The following CHD1L variants were observed in gnomAD, a reference collection of about 807,000 sequenced individuals.
The protein encoded by CHD1L is ATP-dependent chromatin remodeler CHD1L.
CHD1L carries 118 observed loss-of-function variants against 115.9 expected under a neutral mutation model. The observed-to-expected ratio is 1.02, with a 90% CI of 0.88 to 1.19. The LOEUF (loss-of-function observed/expected upper bound fraction) is 1.19, where lower values mean the gene tolerates loss of function less well. Among genes scored for constraint, CHD1L ranks in the 50% most tolerant of loss-of-function variants. CHD1L has a pLI of 0.00. For missense variants in CHD1L, 1,179 were observed against 1,065.3 expected (o/e 1.11, Z -1.49); for synonymous variants, 411 against 387.1 (o/e 1.06, Z -0.72).
At chr1:147,244,339 A>AT (rs1419708230) in intron 1 of CHD1L, among the ~76,000 whole-genome samples, 1 of 152,204 alleles carries the variant, frequency 6.6e-6, no homozygotes, top group Admixed American at 6.5e-5. Context: ...ACTTGGATAA[A>AT]TTGGTAGTGG....
intron 10 of CHD1L, 165 bp from the exon 11 acceptor site, chr1:147,270,767 A>G (rs1675854506): frequency 1.7e-6 from 1 of 594,874 alleles, no homozygotes; most frequent in Non-Finnish European, 3.0e-6. Context: ...GTATTCTCAT[A>G]GAAAGCATTT....
chr1:147,224,904 C>T, the CHD1L span: 1 of 1,614,050 alleles, frequency 6.2e-7, no homozygotes, highest in Non-Finnish European at 8.5e-7. Context: ...CCTGGAACCT[C>T]CAGAGCCCTC....
intron 20 of CHD1L, 38 bp from the exon 21 acceptor site, chr1:147,293,570 T>TC: frequency 6.4e-7 from 1 of 1,570,146 alleles, no homozygotes. Context: ...TGTGGCTGTT[T>TC]CATGTTGGGT....
chr1:147,208,070 T>C, the CHD1L span, among the ~76,000 whole-genome samples: 3 of 152,200 alleles, frequency 2.0e-5, no homozygotes, highest in Non-Finnish European at 4.4e-5. Flanking sequence ...TATAGGGCTA[T>C]TGTCAGGATT....
chr1:147,220,930 G>A, the CHD1L span, among the ~76,000 whole-genome samples: 1 of 125,306 alleles, frequency 8.0e-6, no homozygotes. Flanking sequence ...AACATAAAAT[G>A]AGTTTTAAGT....
At chr1:147,257,833 C>T (rs1419230794) in intron 5 of CHD1L, among the ~76,000 whole-genome samples, 11 of 152,128 alleles carry the variant, frequency 7.2e-5, no homozygotes, top group African/African-American at 2.4e-4. Flanking sequence ...TGCTGTGGAG[C>T]CTCTTTTTAA....
the CHD1L span, among the ~76,000 whole-genome samples, chr1:147,176,705 T>A: frequency 6.6e-6 from 1 of 152,206 alleles, no homozygotes; most frequent in Admixed American, 6.5e-5. Flanking sequence ...TCTCAACATC[T>A]TCATTAACTA....
At chr1:147,196,133 A>ATTGGT in the CHD1L span, among the ~76,000 whole-genome samples, 1 of 152,130 alleles carries the variant, frequency 6.6e-6, no homozygotes, top group Non-Finnish European at 1.5e-5. Context: ...TGGTTTTCAC[A>ATTGGT]TTCTCTGCCA....
intron 15 of CHD1L, among the ~76,000 whole-genome samples, chr1:147,282,428 A>G (rs1261147827): frequency 6.6e-6 from 1 of 152,014 alleles, no homozygotes; most frequent in Non-Finnish European, 1.5e-5. Context: ...TGTAAGTCCT[A>G]AGCTCTTGGG....
At chr1:147,210,200 C>T in the CHD1L span, 1 of 152,226 alleles carries the variant, frequency 6.6e-6, no homozygotes, top group African/African-American at 2.4e-5. Context: ...CCAGGTCTGA[C>T]TAACTCCAAA....
chr1:147,208,761 G>A, the CHD1L span: 1 of 1,039,864 alleles, frequency 9.6e-7, no homozygotes, highest in Non-Finnish European at 1.5e-6. Context: ...CTTAATGTAT[G>A]GGTAGAGGTG....
At chr1:147,186,827 C>CA in the CHD1L span, 6 of 1,523,992 alleles carry the variant, frequency 3.9e-6, no homozygotes, top group Non-Finnish European at 3.5e-6. Context: ...AACTGAGAGT[C>CA]AATCTCGTCA....
At chr1:147,192,844 G>A in the CHD1L span, among the ~76,000 whole-genome samples, 2 of 152,132 alleles carry the variant, frequency 1.3e-5, no homozygotes, top group Non-Finnish European at 2.9e-5. Flanking sequence ...AACCAGCCTT[G>A]CATCCCAGGG....
intron 7 of CHD1L, 122 bp downstream of exon 7, chr1:147,264,706 A>C: frequency 1.0e-6 from 1 of 967,356 alleles, no homozygotes; most frequent in Non-Finnish European, 1.5e-6. Context: ...CCAGGGAGAC[A>C]GACCGCTGAT....
the CHD1L span, among the ~76,000 whole-genome samples, chr1:147,181,398 T>C: frequency 0.037 from 5,614 of 152,294 alleles, 149 homozygotes; most frequent in South Asian, 0.095. Context: ...CCTATGTGAC[T>C]AGCCCCAACT....
chr1:147,291,774 C>T (rs1028796832), intron 20 of CHD1L, among the ~76,000 whole-genome samples: 1 of 152,110 alleles, frequency 6.6e-6, no homozygotes, highest in African/African-American at 2.4e-5. Context: ...TGGTTTCTCC[C>T]GAGGATTCTC....
In CHD1L at chr1:147,275,352, A is replaced by G. The variant is rs959956543; in HGVS notation, c.1271-2A>G. On this transcript the variant is annotated splice_acceptor_variant, in intron 12 of 22. Coordinates refer to ENST00000369258, the MANE Select transcript of CHD1L (RefSeq NM_004284.6). LOFTEE classifies it high-confidence loss of function. ...TTACATTCCTTTTTGCATTGTTTTC[A>G]GGTGGAGTTGGCATGAACTTAACAG... The G allele has an allele frequency of 6.2e-7, 1 of 1,609,118 alleles. No homozygotes were observed. Among genetic ancestry groups the G allele is most frequent in the Non-Finnish European group, 8.5e-7 (1 of 1,175,516 alleles).
intron 5 of CHD1L, chr1:147,259,057 T>G (rs1571756925): frequency 6.6e-6 from 1 of 152,326 alleles, no homozygotes; most frequent in South Asian, 2.1e-4. Context: ...ACATTTAGGT[T>G]ATTTTCCATT....
the CHD1L span, chr1:147,211,464 GA>G: frequency 3.3e-5 from 5 of 152,122 alleles, no homozygotes; most frequent in South Asian, 8.3e-4. Context: ...TATAGATGAG[GA>G]TAGCAATGAG....
Sources: gnomAD v4.1 joint callset for allele counts (sites outside exome capture counted in the v4.1 genomes callset) on GRCh38, gnomAD v4.1.1 for gene constraint, MANE v1.5 for transcripts, NCBI Gene and HGNC (gene_info 2026-07-23, HGNC 2026-07-21) for gene names.